Variants in PLEKHA7 observed in about 807,000 individuals in gnomAD.
The protein encoded by PLEKHA7 is pleckstrin homology domain-containing family A member 7.
A neutral mutation model predicts 170.0 loss-of-function variants in PLEKHA7; 104 were observed. That is an observed-to-expected ratio of 0.61 (90% confidence interval 0.52 to 0.72). The LOEUF (loss-of-function observed/expected upper bound fraction) is 0.72, where lower values mean the gene tolerates loss of function less well. PLEKHA7 is among the 30% of genes least tolerant of loss of function. The pLI is 0.00. For missense variants in PLEKHA7, 1,615 were observed against 1,671.7 expected (o/e 0.97, Z 0.59); for synonymous variants, 648 against 660.8 (o/e 0.98, Z 0.30).
At chr11:16,830,599 G>T (rs1851030816) in intron 9 of PLEKHA7, among the ~76,000 whole-genome samples, 1 of 152,148 alleles carries the variant, frequency 6.6e-6, no homozygotes, top group South Asian at 2.1e-4. Flanking sequence ...GGAAATGAAG[G>T]ATTCTTCAAC....
At chr11:16,966,758 G>C (rs1862400125) in intron 3 of PLEKHA7, among the ~76,000 whole-genome samples, 1 of 151,614 alleles carries the variant, frequency 6.6e-6, no homozygotes, top group African/African-American at 2.4e-5. Flanking sequence ...TCAGATATCA[G>C]AGCAGAAACT....
chr11:16,969,756 C>A (rs1300224937), intron 3 of PLEKHA7, among the ~76,000 whole-genome samples: 1 of 152,156 alleles, frequency 6.6e-6, no homozygotes, highest in African/African-American at 2.4e-5. Context: ...GAAGGCAGGG[C>A]CCCCAAAATG....
At chr11:16,927,699 G>A (rs1192065531) in intron 3 of PLEKHA7, among the ~76,000 whole-genome samples, 1 of 152,220 alleles carries the variant, frequency 6.6e-6, no homozygotes, top group African/African-American at 2.4e-5. Flanking sequence ...TGAATTAAAA[G>A]GCTTTAAAAT....
At chr11:16,973,166 G>A (rs1862831893) in intron 3 of PLEKHA7, among the ~76,000 whole-genome samples, 1 of 152,150 alleles carries the variant, frequency 6.6e-6, no homozygotes, top group African/African-American at 2.4e-5. Flanking sequence ...GTACTTTATG[G>A]TCTCCCTCTG....
chr11:16,916,247 T>A (rs1165027006), intron 3 of PLEKHA7, among the ~76,000 whole-genome samples: 1 of 152,246 alleles, frequency 6.6e-6, no homozygotes, highest in Non-Finnish European at 1.5e-5. Context: ...CATTGTAGAT[T>A]CTGGATATTA....
chr11:16,801,496 C>T (rs558005684), intron 16 of PLEKHA7, among the ~76,000 whole-genome samples, 172 bp downstream of exon 16: 12 of 152,198 alleles, frequency 7.9e-5, no homozygotes, highest in Non-Finnish European at 1.8e-4. Flanking sequence ...GCAGACATGT[C>T]ACCCCCAGAC....
Position 16,916,321 on chromosome 11 carries a change from T to C in PLEKHA7, c.222-45139A>G, listed in dbSNP as rs905490445. ...CATTTTGTAGGTTGCCTGTTCACTCTGATGGTAGTTTCTTTGGCTGTGCAG... is the reference window on the plus strand; with the variant it reads ...CATTTTGTAGGTTGCCTGTTCACTCCGATGGTAGTTTCTTTGGCTGTGCAG... On this transcript the variant is annotated intron_variant, in intron 3 of 26. Transcript: ENST00000531066. Among the ~76,000 whole-genome samples, 3 of 152,310 alleles carry C rather than the reference T, an allele frequency of 2.0e-5. No individual in the cohort carries two copies. The South Asian group carries it at 6.2e-4, about 32-fold the overall frequency.
chr11:16,992,295 A>G (rs1864092266), intron 3 of PLEKHA7, among the ~76,000 whole-genome samples: 1 of 152,174 alleles, frequency 6.6e-6, no homozygotes, highest in African/African-American at 2.4e-5. Flanking sequence ...CAAGGGTGGA[A>G]GGAGGAACTC....
At chr11:16,913,254 C>T (rs1458810928) in intron 3 of PLEKHA7, among the ~76,000 whole-genome samples, 1 of 152,020 alleles carries the variant, frequency 6.6e-6, no homozygotes, top group African/African-American at 2.4e-5. Flanking sequence ...TTTTTTTCCC[C>T]CAAAGAATGA....
At chr11:16,839,372 G>T (rs2135222335) in intron 9 of PLEKHA7, among the ~76,000 whole-genome samples, 1 of 150,968 alleles carries the variant, frequency 6.6e-6, no homozygotes, top group African/African-American at 2.4e-5. Context: ...TCGTCTTACA[G>T]TTTTTGCATT....
At chr11:16,947,915 C>CAA (rs756124686) in intron 3 of PLEKHA7, among the ~76,000 whole-genome samples, 5 of 66,970 alleles carry the variant, frequency 7.5e-5, no homozygotes, top group East Asian at 1.2e-3. Context: ...GACTCCGTCT[C>CAA]AAAAAAAAAA....
chr11:16,960,473 C>T (rs995998142), intron 3 of PLEKHA7, among the ~76,000 whole-genome samples: 1 of 152,188 alleles, frequency 6.6e-6, no homozygotes, highest in Non-Finnish European at 1.5e-5. Flanking sequence ...ACCCCACCCA[C>T]CTCCACCGCC....
chr11:16,869,294 T>C (rs1375237800), intron 4 of PLEKHA7, among the ~76,000 whole-genome samples: 1 of 152,156 alleles, frequency 6.6e-6, no homozygotes, highest in Non-Finnish European at 1.5e-5. Flanking sequence ...CAAAATAACT[T>C]AGGAAGTGGC....
intron 6 of PLEKHA7, among the ~76,000 whole-genome samples, 170 bp downstream of exon 6, chr11:16,854,719 C>T (rs1321321286): frequency 2.0e-5 from 3 of 152,148 alleles, no homozygotes; most frequent in African/African-American, 7.2e-5. Flanking sequence ...ACAGTCCACT[C>T]ATAAGAACAA....
chr11:16,802,685 T>C (rs576347870), intron 15 of PLEKHA7, among the ~76,000 whole-genome samples: 8 of 152,188 alleles, frequency 5.3e-5, no homozygotes, highest in Admixed American at 2.0e-4. Flanking sequence ...GTAGCTGGGA[T>C]TACAGGTGCC....
intron 3 of PLEKHA7, among the ~76,000 whole-genome samples, chr11:16,968,173 G>A (rs1862488717): frequency 6.6e-6 from 1 of 152,116 alleles, no homozygotes; most frequent in Non-Finnish European, 1.5e-5. Flanking sequence ...GATCCTGAGG[G>A]GTTTGGCAAA....
chr11:16,809,867 T>C (rs559347991), intron 13 of PLEKHA7, among the ~76,000 whole-genome samples: 21 of 152,366 alleles, frequency 1.4e-4, no homozygotes, highest in African/African-American at 4.8e-4. Context: ...GCTGTCTCTA[T>C]GCCTCTCCTG....
At position 16,786,188 on chromosome 11, in the gene PLEKHA7, C is replaced by T. The variant is rs1031365790; in HGVS notation, c.3516+41G>A. The T allele has an allele frequency of 1.2e-5, 19 of 1,530,492 alleles. No individual in the cohort carries two copies. In the Admixed American group the frequency reaches 2.8e-4, roughly 22 times the overall value. 94.8% of individuals were successfully genotyped at this position (1,530,492 alleles called of 1,614,324 possible). A position where few individuals can be genotyped will look rare whatever the true frequency, so the allele number is the denominator to read the frequency against. ...GTGGATCAGGCTGGGAACTTGAAGG[C>T]CATGTCTCCTGGAGGACATGAAGGA... On this transcript the variant is annotated intron_variant, in intron 24 of 26. Transcript: ENST00000531066.
intron 3 of PLEKHA7, among the ~76,000 whole-genome samples, chr11:17,009,919 T>C (rs1412194555): frequency 6.6e-6 from 1 of 152,028 alleles, no homozygotes; most frequent in Admixed American, 6.6e-5. Flanking sequence ...TGAGCCACTA[T>C]ACCCAGCCAA....
Sources: allele counts gnomAD v4.1 joint callset (sites outside exome capture counted in the v4.1 genomes callset), GRCh38; gene constraint gnomAD v4.1.1; transcripts MANE v1.5; gene names NCBI Gene and HGNC (gene_info 2026-07-23, HGNC 2026-07-21).